Variants in ZBTB8A observed in about 807,000 individuals in gnomAD.
ZBTB8A encodes the protein zinc finger and BTB domain-containing protein 8A.
Under a neutral mutation model 37.8 loss-of-function variants are expected in ZBTB8A, and 19 were observed. The ratio of observed to expected loss-of-function variants is 0.50; its 90% CI spans 0.35 to 0.74. ZBTB8A has a LOEUF of 0.74. ZBTB8A is among the 30% of genes least tolerant of loss of function. The pLI is 0.01. For synonymous variants in ZBTB8A, 181 were observed against 185.2 expected (o/e 0.98, Z 0.19); for missense variants, 394 against 537.8 (o/e 0.73, Z 2.65).
chr1:32,577,744 C>T (rs184724546), intron 2 of ZBTB8A, among the ~76,000 whole-genome samples: 18 of 151,026 alleles, frequency 1.2e-4, no homozygotes. Flanking sequence ...ACCACCCCTG[C>T]TAATATTTTT....
chr1:32,598,552 CTG>C (rs1308643961), intron 4 of ZBTB8A, among the ~76,000 whole-genome samples: 4 of 151,844 alleles, frequency 2.6e-5, no homozygotes, highest in African/African-American at 9.7e-5. Context: ...GAGTTTTTTA[CTG>C]TGTTTGGTGC....
rs1416047838 is a variant in ZBTB8A, at chr1:32,593,769, C to A, written c.823+15C>A. 7 of 1,586,754 alleles carry A rather than the reference C, an allele frequency of 4.4e-6. 1 individual carries two copies. In the Middle Eastern group the frequency reaches 6.7e-4, roughly 153 times the overall value. On this transcript the variant is annotated intron_variant, in intron 3 of 4. Coordinates refer to ENST00000373510, the MANE Select transcript of ZBTB8A (RefSeq NM_001040441.3). ...AAGCTTTCCAGGTACCCAAAAAGAG[C>A]ATAAGTCCCCTCATCCAGGTTCCAA...
intron 2 of ZBTB8A, among the ~76,000 whole-genome samples, chr1:32,568,633 G>A (rs894826678): frequency 1.4e-4 from 22 of 152,084 alleles, no homozygotes; most frequent in East Asian, 5.8e-4. Flanking sequence ...TGATCCGCCC[G>A]CCTCGGCCTC....
In ZBTB8A at chr1:32,593,611, G is replaced by A; in HGVS notation, c.680G>A (p.Ser227Asn). 6.2e-7 allele frequency: 1 copy of A among 1,614,186 alleles called. No individual in the cohort carries two copies. Among genetic ancestry groups the A allele is most frequent in the South Asian group, 1.1e-5 (1 of 91,084 alleles). The change falls in exon 3 of 5, where the codon AGC (serine) becomes AAC (asparagine). Residue 227 changes from serine (S) to asparagine (N), a missense_variant. This residue lies in a region of ZBTB8A where 171 missense variants were observed against 186.8 expected (regional missense o/e 0.92). Coordinates refer to ENST00000373510, the MANE Select transcript of ZBTB8A (RefSeq NM_001040441.3). ...QPSEVTHYKS[S>N]KREVRTSDSS... is the part of the protein sequence containing the mutation. ...TCTGAAGTTACTCATTATAAGTCAAGCAAACGAGAAGTACGAACATCTGAT... is the reference window on the plus strand; with the variant it reads ...TCTGAAGTTACTCATTATAAGTCAAACAAACGAGAAGTACGAACATCTGAT...
chr1:32,539,847 G>A (rs2148206985), intron 1 of ZBTB8A, among the ~76,000 whole-genome samples: 1 of 60,096 alleles, frequency 1.7e-5, no homozygotes, highest in East Asian at 5.5e-4. Context: ...GAGCCTCCTG[G>A]AGGCGGCGGC....
chr1:32,568,496 C>T (rs1457447553), intron 2 of ZBTB8A, among the ~76,000 whole-genome samples: 1 of 152,076 alleles, frequency 6.6e-6, no homozygotes, highest in African/African-American at 2.4e-5. Context: ...ACGCCATTCT[C>T]CTGCCTCAGC....
At chr1:32,553,116 G>A (rs1644170672) in intron 1 of ZBTB8A, among the ~76,000 whole-genome samples, 1 of 151,098 alleles carries the variant, frequency 6.6e-6, no homozygotes, top group African/African-American at 2.4e-5. Context: ...CTGGCATGCA[G>A]TGGCACAGTC....
At chr1:32,561,885 A>G (rs1476484916) in intron 2 of ZBTB8A, among the ~76,000 whole-genome samples, 1 of 152,114 alleles carries the variant, frequency 6.6e-6, no homozygotes, top group African/African-American at 2.4e-5. Context: ...ACTCAATCCC[A>G]TGTCTCACAT....
rs1257583818 is a variant in ZBTB8A at position 32,600,137 on chromosome 1, A to C, written c.1044A>C (p.Thr348=). The change falls in exon 5 of 5, where the codon ACA becomes ACC. Residue 348 remains threonine (T), a synonymous_variant. Coordinates refer to ENST00000373510, the MANE Select transcript of ZBTB8A (RefSeq NM_001040441.3). ...LICRKCKRHV[T]DLTGQVVQEG... is the part of the protein sequence containing the mutation. ...GCAGAAAATGTAAACGTCATGTGAC[A>C]GATCTAACAGGGCAAGTGGTACAGG... is the stretch of plus-strand genomic sequence containing the variant. The C allele has an allele frequency of 6.2e-7, 1 of 1,614,196 alleles. No individual in the cohort carries two copies. The highest frequency in any genetic ancestry group is 1.1e-5 in the South Asian group (1 of 91,084).
intron 2 of ZBTB8A, among the ~76,000 whole-genome samples, chr1:32,588,393 A>G (rs1020164172): frequency 6.6e-6 from 1 of 152,036 alleles, no homozygotes; most frequent in Non-Finnish European, 1.5e-5. Flanking sequence ...TTGGTGCTTG[A>G]AACTATGAGC....
At chr1:32,570,109 A>G (rs1644313594) in intron 2 of ZBTB8A, among the ~76,000 whole-genome samples, 1 of 152,196 alleles carries the variant, frequency 6.6e-6, no homozygotes. Context: ...TTTCTTCTCT[A>G]ATGGATATCC....
At chr1:32,589,172 G>C (rs1644469948) in intron 2 of ZBTB8A, among the ~76,000 whole-genome samples, 1 of 152,048 alleles carries the variant, frequency 6.6e-6, no homozygotes, top group South Asian at 2.1e-4. Flanking sequence ...GAAATCAAGG[G>C]GAGGATTTTT....
chr1:32,545,536 A>G (rs1644096158), intron 1 of ZBTB8A, among the ~76,000 whole-genome samples: 1 of 152,220 alleles, frequency 6.6e-6, no homozygotes, highest in Admixed American at 6.6e-5. Flanking sequence ...TGGTAGACCT[A>G]TAATCCTGTG....
chr1:32,580,938 C>T (rs1029933124), intron 2 of ZBTB8A, among the ~76,000 whole-genome samples: 1 of 150,760 alleles, frequency 6.6e-6, no homozygotes, highest in Admixed American at 6.8e-5. Flanking sequence ...AACCCACTCC[C>T]AAGATAACGG....
At chr1:32,598,804 T>G (rs1366525161) in intron 4 of ZBTB8A, among the ~76,000 whole-genome samples, 1 of 152,140 alleles carries the variant, frequency 6.6e-6, no homozygotes, top group Non-Finnish European at 1.5e-5. Context: ...GTGAGTGATA[T>G]TTCCATTAGC....
At position 32,602,084 on chromosome 1, in the gene ZBTB8A, C is replaced by CT. The variant is rs988310426; in HGVS notation, c.*1668dup. On this transcript the variant is annotated 3_prime_UTR_variant, in exon 5 of 5. Transcript: ENST00000373510. ...GTGGCTCACGCCTGTAATCCCAGCACTTTGGGAGGCTGAGGCAGGTGGATC... is the reference window on the plus strand; with the variant it reads ...GTGGCTCACGCCTGTAATCCCAGCACTTTTGGGAGGCTGAGGCAGGTGGATC... 1 of 152,908 alleles carries CT rather than the reference C, an allele frequency of 6.5e-6. No individual in the cohort carries two copies. The highest frequency in any genetic ancestry group is 2.4e-5 in the African/African-American group (1 of 41,482). The allele number at this position is 152,908 out of a possible 1,614,324, so 9.5% of individuals were successfully genotyped here.
Position 32,605,147 on chromosome 1 carries a change from C to CAAAAAAAAA in ZBTB8A, c.*4744_*4752dup, listed in dbSNP as rs1218964587. 1 of 37,692 alleles carries CAAAAAAAAA rather than the reference C, an allele frequency of 2.7e-5. No individual in the cohort carries two copies. Among genetic ancestry groups the CAAAAAAAAA allele is most frequent in the Non-Finnish European group, 5.8e-5 (1 of 17,342 alleles). 2.3% of individuals were successfully genotyped at this position (37,692 alleles called of 1,614,324 possible). A position where few individuals can be genotyped will look rare whatever the true frequency, so the allele number is the denominator to read the frequency against. On this transcript the variant is annotated 3_prime_UTR_variant, in exon 5 of 5. Coordinates refer to ENST00000373510, the MANE Select transcript of ZBTB8A (RefSeq NM_001040441.3). Reference sequence around the variant, plus strand: ...CCTGGGTGACAGAGCGAGACTCCATCAAAAAAAAAAAAAAAAAAAAAAAAG... The same window carrying CAAAAAAAAA: ...CCTGGGTGACAGAGCGAGACTCCATCAAAAAAAAAAAAAAAAAAAAAAAAAAAAAAAAAG...
chr1:32,569,694 C>T (rs989000290), intron 2 of ZBTB8A, among the ~76,000 whole-genome samples: 5 of 151,574 alleles, frequency 3.3e-5, no homozygotes, highest in Non-Finnish European at 7.4e-5. Context: ...TCCCGGCCAG[C>T]TTTTCCTTTC....
chr1:32,561,864 T>G (rs888943499), intron 2 of ZBTB8A, among the ~76,000 whole-genome samples: 1 of 152,166 alleles, frequency 6.6e-6, no homozygotes, highest in Non-Finnish European at 1.5e-5. Flanking sequence ...CATATAATTT[T>G]GGGGGGCACA....
Sources: allele counts gnomAD v4.1 joint callset (sites outside exome capture counted in the v4.1 genomes callset), GRCh38; gene constraint gnomAD v4.1.1; regional missense constraint gnomAD v4.1.1; transcripts MANE v1.5; gene names NCBI Gene and HGNC (gene_info 2026-07-23, HGNC 2026-07-21).